Variants in AHI1 observed in about 807,000 individuals in gnomAD.
The protein encoded by AHI1 is Abelson helper integration site 1, also known as jouberin.
In AHI1, 123 loss-of-function variants were observed where a neutral mutation model predicts 149.3. The ratio of observed to expected loss-of-function variants is 0.82; its 90% CI spans 0.71 to 0.96. The LOEUF is 0.96. AHI1 is among the 40% of genes least tolerant of loss of function. The pLI, the probability that AHI1 is intolerant of heterozygous loss-of-function variation, is 0.00. For missense variants in AHI1, 1,439 were observed against 1,422.7 expected (o/e 1.01, Z -0.18); for synonymous variants, 475 against 459.8 (o/e 1.03, Z -0.42).
intron 23 of AHI1, among the ~76,000 whole-genome samples, chr6:135,388,787 G>A (rs888328607): frequency 2.6e-5 from 4 of 151,098 alleles, no homozygotes; most frequent in African/African-American, 7.4e-5. Context: ...TGAGATGGGC[G>A]GATCACTTGA....
rs969470619 is a variant in AHI1, at chr6:135,397,390, A to G, written c.2989-2494T>C. 2.6e-5 allele frequency among the ~76,000 whole-genome samples: 4 copies of G among 152,028 alleles called. No homozygotes were observed. In the East Asian group the frequency reaches 7.7e-4, roughly 29 times the overall value. Reference sequence around the variant, plus strand: ...GGTTAAGATAGTCTACCCTACACCAATCTACCCTCTTTTCACAACACCCTT... The same window carrying G: ...GGTTAAGATAGTCTACCCTACACCAGTCTACCCTCTTTTCACAACACCCTT... On this transcript the variant is annotated intron_variant, in intron 22 of 28. Coordinates refer to ENST00000265602, the MANE Select transcript of AHI1 (RefSeq NM_001134831.2).
At chr6:135,465,636 G>A (rs950578770) in intron 7 of AHI1, among the ~76,000 whole-genome samples, 178 bp downstream of exon 7, 5 of 152,104 alleles carry the variant, frequency 3.3e-5, no homozygotes, top group Admixed American at 6.5e-5. Context: ...GTTAATTCTC[G>A]TAAAGCACCT....
chr6:135,286,256 C>G (rs1240567828), intron 28 of AHI1: 2 of 152,340 alleles, frequency 1.3e-5, no homozygotes, highest in Admixed American at 1.3e-4. Flanking sequence ...AATCAAGAAC[C>G]AATATGCAGA....
intron 22 of AHI1, among the ~76,000 whole-genome samples, chr6:135,400,859 C>A (rs1231593629): frequency 2.0e-5 from 3 of 152,228 alleles, no homozygotes; most frequent in African/African-American, 7.2e-5. Context: ...GTGACCATAC[C>A]TTTCTTTTCT....
intron 27 of AHI1, among the ~76,000 whole-genome samples, chr6:135,293,691 A>G (rs1253590314): frequency 6.6e-6 from 1 of 152,218 alleles, no homozygotes; most frequent in African/African-American, 2.4e-5. Context: ...CAAGACCTAT[A>G]CATTGAAAAC....
intron 9 of AHI1, among the ~76,000 whole-genome samples, chr6:135,456,795 C>G (rs1789027310): frequency 1.3e-5 from 2 of 152,094 alleles, no homozygotes; most frequent in Admixed American, 1.3e-4. Flanking sequence ...TATAGAAGTA[C>G]TCTTAGAAAA....
chr6:135,459,569 A>C (rs183936997), intron 8 of AHI1, among the ~76,000 whole-genome samples: 1 of 152,168 alleles, frequency 6.6e-6, no homozygotes, highest in East Asian at 1.9e-4. Flanking sequence ...GGTTTTTGAA[A>C]AGACTCATAA....
chr6:135,288,846 A>C (rs992240264), intron 28 of AHI1, among the ~76,000 whole-genome samples: 1 of 150,824 alleles, frequency 6.6e-6, no homozygotes, highest in Non-Finnish European at 1.5e-5. Flanking sequence ...AAACAAAACA[A>C]AAAAAAAACC....
At chr6:135,287,579 C>T (rs1781841631) in intron 28 of AHI1, among the ~76,000 whole-genome samples, 1 of 152,164 alleles carries the variant, frequency 6.6e-6, no homozygotes, top group Non-Finnish European at 1.5e-5. Flanking sequence ...GAGAAGACAT[C>T]TAACCAAAAG....
chr6:135,432,927 G>T, intron 16 of AHI1, 100 bp downstream of exon 16: 1 of 807,940 alleles, frequency 1.2e-6, no homozygotes, highest in Non-Finnish European at 2.0e-6. Context: ...CTAAATATGC[G>T]CAATCATCAG....
At chr6:135,364,845 C>T (rs1489641981) in intron 23 of AHI1, among the ~76,000 whole-genome samples, 2 of 152,140 alleles carry the variant, frequency 1.3e-5, no homozygotes, top group Non-Finnish European at 2.9e-5. Flanking sequence ...GGCAGCAGTA[C>T]CGTCCAGCTT....
intron 23 of AHI1, among the ~76,000 whole-genome samples, chr6:135,389,327 A>T (rs1314815873): frequency 6.6e-6 from 1 of 151,876 alleles, no homozygotes; most frequent in East Asian, 1.9e-4. Context: ...AAAAAAAAAA[A>T]AATACAGTTC....
At chr6:135,350,085 A>C (rs1047495586) in intron 24 of AHI1, among the ~76,000 whole-genome samples, 2 of 152,246 alleles carry the variant, frequency 1.3e-5, no homozygotes, top group African/African-American at 4.8e-5. Context: ...GGTTTATCTC[A>C]TGGCAGTCCT....
chr6:135,387,932 T>G (rs745496007), intron 23 of AHI1: 1 of 1,610,972 alleles, frequency 6.2e-7, no homozygotes, highest in Non-Finnish European at 8.5e-7. Context: ...AGTTAGGAAG[T>G]GGTGGGATCC....
rs765985758 is a variant in AHI1 at position 135,466,286 on chromosome 6, TC to T, written c.276del (p.Ser93AlafsTer9). ...VSAANTNNLK[K>X]STRVTKNKLR... The stretch of plus-strand genomic sequence containing the variant: ...AATTTGTTTTTAGTGACTCTCGTGC[TC>T]TTCTTCAGGTTGTTAGTGTTAGCAG... On this transcript the variant is annotated frameshift_variant, in exon 7 of 29. Coordinates refer to ENST00000265602, the MANE Select transcript of AHI1 (RefSeq NM_001134831.2). LOFTEE classifies it high-confidence loss of function. 2.5e-6 allele frequency: 4 copies of T among 1,613,978 alleles called. No individual in the cohort carries two copies. The Admixed American group carries it at 5.0e-5, about 20-fold the overall frequency.
intron 28 of AHI1, among the ~76,000 whole-genome samples, chr6:135,287,574 G>A (rs971297395): frequency 1.3e-5 from 2 of 152,126 alleles, no homozygotes; most frequent in Non-Finnish European, 2.9e-5. Context: ...GGGAGGAGAA[G>A]ACATCTAACC....
intron 24 of AHI1, among the ~76,000 whole-genome samples, chr6:135,356,949 T>A (rs1247354261): frequency 2.0e-5 from 3 of 152,240 alleles, no homozygotes. Context: ...CCTTTATTTA[T>A]TTATTTTTGA....
chr6:135,294,501 T>C (rs994876444), intron 27 of AHI1, among the ~76,000 whole-genome samples: 3 of 151,438 alleles, frequency 2.0e-5, no homozygotes, highest in Non-Finnish European at 2.9e-5. Context: ...AAAGGGAGAT[T>C]CTGCCTCAAA....
chr6:135,404,310 C>T (rs1780442379), intron 22 of AHI1, among the ~76,000 whole-genome samples: 1 of 152,110 alleles, frequency 6.6e-6, no homozygotes, highest in Non-Finnish European at 1.5e-5. Flanking sequence ...GTGTTGAAAG[C>T]ATATAAGATA....
Sources: allele counts gnomAD v4.1 joint callset (sites outside exome capture counted in the v4.1 genomes callset), GRCh38; gene constraint gnomAD v4.1.1; transcripts MANE v1.5; gene names NCBI Gene and HGNC (gene_info 2026-07-23, HGNC 2026-07-21).